KLHL8: variants seen among roughly 807,000 people sequenced by gnomAD.
The protein encoded by KLHL8 is kelch-like protein 8.
A neutral mutation model predicts 63.5 loss-of-function variants in KLHL8; 38 were observed. The observed-to-expected ratio is 0.60, with a 90% CI of 0.46 to 0.78. The LOEUF (loss-of-function observed/expected upper bound fraction) is 0.78. Among genes scored for constraint, KLHL8 ranks in the 30% least tolerant of loss-of-function variants. The probability of loss-of-function intolerance (pLI) is 0.00; values close to 1 mark genes in which losing one functional copy is unlikely to be tolerated. For synonymous variants in KLHL8, 224 were observed against 254.3 expected, an observed-to-expected ratio of 0.88 and a Z score of 1.13; for missense variants, 566 against 752.4, an observed-to-expected ratio of 0.75 and a Z score of 2.90.
upstream of KLHL8, among the ~76,000 whole-genome samples, chr4:87,224,883 T>G (rs1292942645): frequency 6.6e-6 from 1 of 152,166 alleles, no homozygotes; most frequent in Non-Finnish European, 1.5e-5. Context: ...GATATATTTC[T>G]CTGATATATA....
At chr4:87,214,790 G>GT (rs144013840) in intron 1 of KLHL8, among the ~76,000 whole-genome samples, 24,091 of 150,544 alleles carry the variant, frequency 0.16, 2,293 homozygotes, top group South Asian at 0.24. Flanking sequence ...ATTTTTAAAG[G>GT]TTTTTTTTTG....
chr4:87,184,735 TAAG>T (rs1414235336), intron 3 of KLHL8, among the ~76,000 whole-genome samples: 1 of 151,864 alleles, frequency 6.6e-6, no homozygotes, highest in Non-Finnish European at 1.5e-5. Context: ...CAGTAAAAAA[TAAG>T]AACAGTAACA....
At chr4:87,168,674 GTA>G (rs1267321522) in intron 8 of KLHL8, among the ~76,000 whole-genome samples, 1 of 145,764 alleles carries the variant, frequency 6.9e-6, no homozygotes, top group African/African-American at 2.6e-5. Flanking sequence ...ATATATGTGT[GTA>G]TATATGTGTG....
intron 1 of KLHL8, among the ~76,000 whole-genome samples, chr4:87,233,685 G>A (rs941995946): frequency 1.3e-5 from 2 of 152,036 alleles, no homozygotes; most frequent in Non-Finnish European, 2.9e-5. Flanking sequence ...GGGACATAAC[G>A]ATATTTTCTT....
chr4:87,207,311 T>A lies in KLHL8; in HGVS notation c.-151-11621A>T, dbSNP rs1732169146. 3 of 602,392 alleles carry A rather than the reference T, an allele frequency of 5.0e-6. No individual in the cohort carries two copies. The Admixed American group carries it at 6.1e-5, about 12-fold the overall frequency. The allele number at this position is 602,392 out of a possible 1,614,324, so 37.3% of individuals were successfully genotyped here. On this transcript the variant is annotated intron_variant, in intron 1 of 9. Transcript: ENST00000273963. ...GTCATCAGTGGAAATCCCATTACCA[T>A]CTTCCAGGAGCGAGATCCCTCCAAA...
chr4:87,182,316 G>A (rs1560697841), intron 4 of KLHL8, among the ~76,000 whole-genome samples: 1 of 149,904 alleles, frequency 6.7e-6, no homozygotes, highest in Non-Finnish European at 1.5e-5. Flanking sequence ...TAATTATCTA[G>A]AAGAACTACT....
chr4:87,166,299 G>A (rs545765558), intron 8 of KLHL8, among the ~76,000 whole-genome samples: 173 of 152,316 alleles, frequency 1.1e-3, no homozygotes, highest in African/African-American at 3.8e-3. Flanking sequence ...CTACTTATAA[G>A]AGAATGCTGT....
chr4:87,187,084 C>T (rs141277450), intron 2 of KLHL8, among the ~76,000 whole-genome samples: 64 of 152,090 alleles, frequency 4.2e-4, no homozygotes, highest in Non-Finnish European at 1.5e-5. Flanking sequence ...GTAACTAAAT[C>T]GTTATTCACA....
At chr4:87,215,929 A>C (rs887176577) in intron 1 of KLHL8, among the ~76,000 whole-genome samples, 2 of 152,238 alleles carry the variant, frequency 1.3e-5, no homozygotes, top group Non-Finnish European at 2.9e-5. Context: ...ATGATATACA[A>C]GAAATATCAT....
chr4:87,193,769 C>A (rs1178370587), intron 2 of KLHL8, among the ~76,000 whole-genome samples: 4 of 152,144 alleles, frequency 2.6e-5, no homozygotes, highest in Non-Finnish European at 5.9e-5. Flanking sequence ...ATGATAGCTA[C>A]AACATTACTA....
At chr4:87,236,953 G>A (rs72870249) in intron 1 of KLHL8, among the ~76,000 whole-genome samples, 5,616 of 152,128 alleles carry the variant, frequency 0.037, 318 homozygotes, top group African/African-American at 0.13. Context: ...CGCGAGCCAC[G>A]GCACCTAGTC....
At position 87,185,401 on chromosome 4, in the gene KLHL8, A is replaced by G. The variant is rs1298751384; in HGVS notation, c.615T>C (p.Phe205=). The change falls in exon 3 of 10, where the codon TTT becomes TTC. Residue 205 remains phenylalanine (F), a synonymous_variant. Coordinates refer to ENST00000273963, the MANE Select transcript of KLHL8 (RefSeq NM_020803.5). ...HFTEVVECED[F]VSVSPQHLHK... ...GGAGGTGCTGCGGTGATACACTTAC[A>G]AAGTCTTCACACTCCACTACTTCAG... 1.9e-6 allele frequency: 3 copies of G among 1,614,188 alleles called. No homozygotes were observed. Among genetic ancestry groups the G allele is most frequent in the South Asian group, 2.2e-5 (2 of 91,086 alleles).
chr4:87,207,400 G>C (rs1168854895), intron 1 of KLHL8: 1 of 678,886 alleles, frequency 1.5e-6, no homozygotes, highest in Non-Finnish European at 2.7e-6. Flanking sequence ...CACCCCCATG[G>C]AGAAGGCTGG....
intron 4 of KLHL8, among the ~76,000 whole-genome samples, chr4:87,178,898 C>T (rs1442740291): frequency 6.6e-6 from 1 of 152,176 alleles, no homozygotes; most frequent in Non-Finnish European, 1.5e-5. Flanking sequence ...CAAAACCAAT[C>T]AGCCTCTAAG....
At chr4:87,179,228 A>C (rs577667685) in intron 4 of KLHL8, among the ~76,000 whole-genome samples, 1 of 152,248 alleles carries the variant, frequency 6.6e-6, no homozygotes, top group South Asian at 2.1e-4. Context: ...TTGCCTACCT[A>C]AACAACCTCT....
upstream of KLHL8, among the ~76,000 whole-genome samples, chr4:87,240,472 G>C (rs1733308365): frequency 6.6e-6 from 1 of 152,080 alleles, no homozygotes; most frequent in South Asian, 2.1e-4. Flanking sequence ...CAGTTCACAA[G>C]GTCCTCATTA....
chr4:87,233,337 C>G (rs1047847970), intron 1 of KLHL8, among the ~76,000 whole-genome samples: 1 of 152,136 alleles, frequency 6.6e-6, no homozygotes, highest in African/African-American at 2.4e-5. Flanking sequence ...CCTATAATCC[C>G]AGCACTTTGG....
chr4:87,170,335 A>C (rs1560691431), intron 7 of KLHL8, 97 bp from the exon 8 acceptor site: 1 of 1,441,506 alleles, frequency 6.9e-7, no homozygotes, highest in Non-Finnish European at 9.4e-7. Context: ...TATTTCAGGA[A>C]ATAATATGAT....
rs1299370340 is a variant in KLHL8, at chr4:87,170,434, C to A, written c.1377+13G>T. 6.3e-6 allele frequency: 10 copies of A among 1,586,762 alleles called. No homozygotes were observed. The highest frequency in any genetic ancestry group is 8.5e-6 in the Non-Finnish European group (10 of 1,170,062). On this transcript the variant is annotated intron_variant, in intron 7 of 9. Coordinates refer to ENST00000273963, the MANE Select transcript of KLHL8 (RefSeq NM_020803.5). ...TGCAATGTAATTTAATGACAAGTTGCCATATAACTTACTACTAGAGCAACA... is the reference window on the plus strand; with the variant it reads ...TGCAATGTAATTTAATGACAAGTTGACATATAACTTACTACTAGAGCAACA...
Sources: allele counts gnomAD v4.1 joint callset (sites outside exome capture counted in the v4.1 genomes callset), GRCh38; gene constraint gnomAD v4.1.1; transcripts MANE v1.5; gene names NCBI Gene and HGNC (gene_info 2026-07-23, HGNC 2026-07-21).